EPN2: variants seen among roughly 807,000 people sequenced by gnomAD.
The protein encoded by EPN2 is epsin-2.
Under a neutral mutation model 61.7 loss-of-function variants are expected in EPN2, and 34 were observed. The ratio of observed to expected loss-of-function variants is 0.55; its 90% CI spans 0.42 to 0.73. EPN2 has a LOEUF of 0.73. EPN2 is among the 30% of genes least tolerant of loss of function. The pLI, the probability that EPN2 is intolerant of heterozygous loss-of-function variation, is 0.00. For synonymous variants in EPN2, 349 were observed against 353.6 expected (o/e 0.99, Z 0.15); for missense variants, 714 against 839.2 (o/e 0.85, Z 1.84).
chr17:19,295,486 C>T (rs759015245), intron 4 of EPN2, among the ~76,000 whole-genome samples: 5 of 151,830 alleles, frequency 3.3e-5, no homozygotes, highest in African/African-American at 9.7e-5. Context: ...GAGCCGAGAT[C>T]GTGCCATTAG....
chr17:19,325,236 A>T (rs1324664032), intron 7 of EPN2, among the ~76,000 whole-genome samples: 1 of 152,258 alleles, frequency 6.6e-6, no homozygotes, highest in Non-Finnish European at 1.5e-5. Context: ...GAATATTCCT[A>T]GTCATTGTAT....
At chr17:19,331,004 T>C (rs1907135187) in intron 9 of EPN2, among the ~76,000 whole-genome samples, 1 of 152,188 alleles carries the variant, frequency 6.6e-6, no homozygotes, top group Non-Finnish European at 1.5e-5. Flanking sequence ...TTTGTTTTTT[T>C]GTTTTGTTTT....
intron 5 of EPN2, among the ~76,000 whole-genome samples, chr17:19,310,583 T>TTC (rs1421432142): frequency 7.6e-6 from 1 of 132,052 alleles, no homozygotes; most frequent in Non-Finnish European, 1.6e-5. Flanking sequence ...TTTTTTTTTT[T>TTC]TTTTTTTTTT....
chr17:19,246,269 G>A (rs932388425), intron 1 of EPN2, among the ~76,000 whole-genome samples: 11 of 152,122 alleles, frequency 7.2e-5, no homozygotes, highest in Non-Finnish European at 1.3e-4. Context: ...GAGGCAGGAG[G>A]ATCGCTTGAA....
At chr17:19,292,768 C>T (rs1407111161) in intron 4 of EPN2, among the ~76,000 whole-genome samples, 1 of 152,250 alleles carries the variant, frequency 6.6e-6, no homozygotes, top group Non-Finnish European at 1.5e-5. Context: ...ATCACCTCTC[C>T]TGGGCCTTTG....
chr17:19,253,230 C>T (rs1049669920), intron 1 of EPN2, among the ~76,000 whole-genome samples: 1 of 152,070 alleles, frequency 6.6e-6, no homozygotes, highest in African/African-American at 2.4e-5. Context: ...CAATATCTGG[C>T]TTTTTGTATT....
intron 1 of EPN2, among the ~76,000 whole-genome samples, chr17:19,275,714 GA>G (rs1253223841): frequency 6.6e-6 from 1 of 152,214 alleles, no homozygotes; most frequent in Admixed American, 6.5e-5. Context: ...TTTCCAAGAA[GA>G]GGGGGATTAT....
intron 1 of EPN2, among the ~76,000 whole-genome samples, chr17:19,253,289 G>A (rs1449701518): frequency 6.6e-6 from 1 of 151,918 alleles, no homozygotes; most frequent in Non-Finnish European, 1.5e-5. Context: ...GTTGTAGCAT[G>A]GATCCAAACT....
chr17:19,295,358 A>ACGCGCGCGCG (rs559120143), intron 4 of EPN2, among the ~76,000 whole-genome samples: 2 of 66,690 alleles, frequency 3.0e-5, no homozygotes, highest in Non-Finnish European at 4.4e-5. Flanking sequence ...ACACACACAC[A>ACGCGCGCGCG]CACACACACG....
chr17:19,269,983 C>T (rs1219330408), intron 1 of EPN2, among the ~76,000 whole-genome samples: 1 of 152,180 alleles, frequency 6.6e-6, no homozygotes, highest in African/African-American at 2.4e-5. Flanking sequence ...CTGAATTTGT[C>T]TAAAGCTACA....
At chr17:19,248,152 G>A (rs2044973475) in intron 1 of EPN2, among the ~76,000 whole-genome samples, 1 of 152,236 alleles carries the variant, frequency 6.6e-6, no homozygotes, top group Non-Finnish European at 1.5e-5. Context: ...GTGGTGCGGG[G>A]ACTGGGTTCC....
intron 7 of EPN2, among the ~76,000 whole-genome samples, chr17:19,320,316 G>A (rs1906583567): frequency 6.6e-6 from 1 of 152,184 alleles, no homozygotes; most frequent in South Asian, 2.1e-4. Flanking sequence ...CCATCCTGGG[G>A]CCAGGCCTGG....
chr17:19,311,851 T>G (rs1906152959), intron 5 of EPN2, among the ~76,000 whole-genome samples: 1 of 152,242 alleles, frequency 6.6e-6, no homozygotes, highest in Non-Finnish European at 1.5e-5. Flanking sequence ...GGGGTCCAAG[T>G]CACAGGAGTC....
At chr17:19,308,015 T>C in intron 4 of EPN2, 1 of 984,412 alleles carries the variant, frequency 1.0e-6, no homozygotes. Context: ...TGAATCCTGC[T>C]AGTTAGGTTT....
intron 1 of EPN2, among the ~76,000 whole-genome samples, chr17:19,246,740 C>T (rs1177455567): frequency 6.7e-6 from 1 of 149,610 alleles, no homozygotes; most frequent in Non-Finnish European, 1.5e-5. Context: ...TTTTTTTCCC[C>T]CCTGAAAGCA....
chr17:19,285,602 T>C lies in EPN2; in HGVS notation c.596-18T>C. ...TGGCGTGTCTCTCTGTGTGTGTGTGTGTGTCCCTGCCCCACAGCGCCTGAG... is the reference window on the plus strand; with the variant it reads ...TGGCGTGTCTCTCTGTGTGTGTGTGCGTGTCCCTGCCCCACAGCGCCTGAG... On this transcript the variant is annotated intron_variant, in intron 3 of 10. Coordinates refer to ENST00000314728, the MANE Select transcript of EPN2 (RefSeq NM_014964.5). The surrounding 1 kb of genome is among the most constrained non-coding windows in gnomAD (Gnocchi z 4.5). 6.6e-7 allele frequency: 1 copy of C among 1,512,906 alleles called. No individual in the cohort carries two copies. The allele number at this position is 1,512,906 out of a possible 1,614,324, so 93.7% of individuals were successfully genotyped here.
chr17:19,277,400 C>CAA (rs58679739), intron 1 of EPN2, among the ~76,000 whole-genome samples: 3,260 of 75,104 alleles, frequency 0.043, 195 homozygotes, highest in East Asian at 0.26. Context: ...GACTCTGTCT[C>CAA]AAAAAAAAAA....
At chr17:19,302,248 G>A (rs889312056) in intron 4 of EPN2, among the ~76,000 whole-genome samples, 5 of 152,206 alleles carry the variant, frequency 3.3e-5, no homozygotes, top group East Asian at 1.9e-4. Flanking sequence ...TTTTCACATC[G>A]CTTCTTGTTC....
At chr17:19,307,603 G>A (rs1219824972) in intron 4 of EPN2, among the ~76,000 whole-genome samples, 2 of 152,178 alleles carry the variant, frequency 1.3e-5, no homozygotes, top group South Asian at 2.1e-4. Context: ...TCGGCATCCC[G>A]AAGTGCTGGG....
Sources: allele counts gnomAD v4.1 joint callset (sites outside exome capture counted in the v4.1 genomes callset), GRCh38; gene constraint gnomAD v4.1.1; non-coding constraint Gnocchi (gnomAD v3.1); transcripts MANE v1.5; gene names NCBI Gene and HGNC (gene_info 2026-07-23, HGNC 2026-07-21).